The following RIN3 variants were observed in gnomAD, a reference collection of about 807,000 sequenced individuals.
The protein encoded by RIN3 is Ras and Rab interactor 3.
RIN3 carries 54 observed loss-of-function variants against 76.3 expected under a neutral mutation model. The ratio of observed to expected loss-of-function variants is 0.71; its 90% confidence interval spans 0.57 to 0.89. The LOEUF (loss-of-function observed/expected upper bound fraction) is 0.89, where lower values mean the gene tolerates loss of function less well. Among genes scored for constraint, RIN3 ranks in the 40% least tolerant of loss-of-function variants. The pLI is 0.00. For synonymous variants in RIN3, 576 were observed against 564.0 expected (o/e 1.02, Z -0.30); for missense variants, 1,256 against 1,322.1 (o/e 0.95, Z 0.78).
intron 1 of RIN3, among the ~76,000 whole-genome samples, chr14:92,535,430 C>T (rs776910575): frequency 4.0e-5 from 6 of 149,238 alleles, no homozygotes; most frequent in African/African-American, 9.9e-5. Context: ...ACCTCCCGGG[C>T]GAGCTTTCAT....
At chr14:92,603,620 G>A (rs1425535349) in intron 3 of RIN3, among the ~76,000 whole-genome samples, 1 of 152,246 alleles carries the variant, frequency 6.6e-6, no homozygotes, top group East Asian at 1.9e-4. Context: ...GCAAAAACAA[G>A]AGCTTGCCTG....
chr14:92,687,795 C>T (rs937913135), intron 9 of RIN3, 131 bp from the exon 10 acceptor site: 20 of 787,500 alleles, frequency 2.5e-5, no homozygotes, highest in Admixed American at 7.1e-5. Flanking sequence ...ACGGGAAAGG[C>T]GCAGGTGCCG....
At chr14:92,515,833 T>C (rs1434614004) in intron 1 of RIN3, among the ~76,000 whole-genome samples, 1 of 152,202 alleles carries the variant, frequency 6.6e-6, no homozygotes, top group Non-Finnish European at 1.5e-5. Context: ...TGTATGAATA[T>C]TGGTTTGTTG....
Position 92,518,648 on chromosome 14 carries a change from G to T in RIN3, c.44+4672G>T, listed in dbSNP as rs1896509234. 2.6e-5 allele frequency among the ~76,000 whole-genome samples: 4 copies of T among 152,308 alleles called. No individual in the cohort carries two copies. The South Asian group carries it at 8.3e-4, about 32-fold the overall frequency. ...TGTCAGGGAGAAAGGATGGGGGAAG[G>T]AGAGGCCAGCCCTGGATACTGTGTC... On this transcript the variant is annotated intron_variant, in intron 1 of 9. Transcript: ENST00000216487.
At chr14:92,664,534 T>C (rs1291024935) in intron 7 of RIN3, among the ~76,000 whole-genome samples, 1 of 84,818 alleles carries the variant, frequency 1.2e-5, no homozygotes, top group Non-Finnish European at 2.2e-5. Flanking sequence ...TGCCCAGCTA[T>C]TTTTTTTTTG....
At position 92,655,383 on chromosome 14, in the gene RIN3, G is replaced by GGA. The variant is rs150982235; in HGVS notation, c.2026+2322_2026+2323dup. ...GAGACAGAGAGACAGAGAGACAAAG[G>GGA]GAGAGAGAGAGAGAGTAAAGTATAG... On this transcript the variant is annotated intron_variant, in intron 6 of 9. Transcript: ENST00000216487. 3.3e-5 allele frequency among the ~76,000 whole-genome samples: 5 copies of GGA among 151,804 alleles called. No homozygotes were observed. The East Asian group carries it at 7.7e-4, about 24-fold the overall frequency.
chr14:92,671,570 G>A (rs112080489), intron 7 of RIN3, among the ~76,000 whole-genome samples: 4 of 152,144 alleles, frequency 2.6e-5, no homozygotes, highest in East Asian at 3.9e-4. Context: ...TGGGATTGTC[G>A]GTCAAGATTC....
Position 92,609,445 on chromosome 14 carries a change from G to A in RIN3, c.368-5962G>A, listed in dbSNP as rs528006264. Among the ~76,000 whole-genome samples, 137 of 152,324 alleles carry A rather than the reference G, an allele frequency of 9.0e-4. 1 individual carries two copies. The highest frequency in any genetic ancestry group is 3.3e-3 in the South Asian group (16 of 4,830). ...CACCTCTTGAGACGGTTTGGACAGG[G>A]TCTGGTATGTTTCCCCTGAGGCTTT... is the stretch of plus-strand genomic sequence containing the variant. On this transcript the variant is annotated intron_variant, in intron 3 of 9. Coordinates refer to ENST00000216487, the MANE Select transcript of RIN3 (RefSeq NM_024832.5).
At chr14:92,558,208 G>A (rs191575554) in intron 2 of RIN3, among the ~76,000 whole-genome samples, 213 of 152,268 alleles carry the variant, frequency 1.4e-3, no homozygotes, top group Non-Finnish European at 2.5e-3. Context: ...AATTAGCCAG[G>A]CACGGAAGTG....
chr14:92,625,509 G>A (rs1886321598), intron 4 of RIN3, among the ~76,000 whole-genome samples: 1 of 152,188 alleles, frequency 6.6e-6, no homozygotes, highest in Admixed American at 6.5e-5. Flanking sequence ...GAGGGGAATG[G>A]CTTCAACTCA....
chr14:92,587,583 A>G (rs554084641), intron 3 of RIN3, among the ~76,000 whole-genome samples: 24 of 152,288 alleles, frequency 1.6e-4, no homozygotes, highest in African/African-American at 5.8e-4. Context: ...TGGGTGGCCA[A>G]GCCTGAGTGT....
chr14:92,667,169 A>T (rs912317779), intron 7 of RIN3, among the ~76,000 whole-genome samples: 1 of 152,122 alleles, frequency 6.6e-6, no homozygotes, highest in Non-Finnish European at 1.5e-5. Context: ...CGGGGTAGAG[A>T]GGACAGGGAG....
chr14:92,547,049 TAATAAAATAAATTATATTTTATTTTA>T (rs1897285316), intron 1 of RIN3, among the ~76,000 whole-genome samples: 2 of 123,290 alleles, frequency 1.6e-5, no homozygotes, highest in African/African-American at 5.6e-5. Context: ...TATTTTATTA[TAATAAAATAAATTATATTTTATTTTA>T]TATTATATTA....
rs74490623 is a variant in RIN3, at chr14:92,572,392, G to A, written c.250-4968G>A. 4.7e-3 allele frequency among the ~76,000 whole-genome samples: 719 copies of A among 152,322 alleles called. 6 individuals are homozygous for A. Among genetic ancestry groups the A allele is most frequent in the African/African-American group, 0.016 (682 of 41,570 alleles). ...TCTTAGTGCTCATGCTTGAGCCCAC[G>A]GGCACAGTTTGTGAGATGTAATCGA... On this transcript the variant is annotated intron_variant, in intron 2 of 9. Transcript: ENST00000216487.
At chr14:92,683,212 CT>C (rs1253821230) in intron 8 of RIN3, among the ~76,000 whole-genome samples, 1 of 151,938 alleles carries the variant, frequency 6.6e-6, no homozygotes, top group Non-Finnish European at 1.5e-5. Context: ...ACTGGAAGGG[CT>C]GGGCAGAAAG....
At chr14:92,599,319 G>T (rs1397610930) in intron 3 of RIN3, among the ~76,000 whole-genome samples, 2 of 152,192 alleles carry the variant, frequency 1.3e-5, no homozygotes, top group African/African-American at 4.8e-5. Context: ...CAGCAGTCTG[G>T]TGACAGCATG....
At chr14:92,574,872 T>G (rs1332618701) in intron 2 of RIN3, among the ~76,000 whole-genome samples, 4 of 152,124 alleles carry the variant, frequency 2.6e-5, no homozygotes, top group African/African-American at 7.2e-5. Context: ...GTAAGCCAAG[T>G]GGAGGCAAAA....
intron 7 of RIN3, among the ~76,000 whole-genome samples, chr14:92,667,557 C>T (rs999757548): frequency 3.3e-5 from 5 of 151,950 alleles, no homozygotes; most frequent in East Asian, 1.9e-4. Context: ...TGATCAAAGT[C>T]GCTCATGTTT....
chr14:92,515,646 C>T (rs1238533478), intron 1 of RIN3: 1 of 222,168 alleles, frequency 4.5e-6, no homozygotes, highest in Admixed American at 5.8e-5. Flanking sequence ...AAATGTGTAA[C>T]CTTAGACAAA....
Sources: allele counts gnomAD v4.1 joint callset (sites outside exome capture counted in the v4.1 genomes callset), GRCh38; gene constraint gnomAD v4.1.1; transcripts MANE v1.5; gene names NCBI Gene and HGNC (gene_info 2026-07-23, HGNC 2026-07-21).